The following UTP20 variants were observed in gnomAD, a reference collection of about 807,000 sequenced individuals.
The protein encoded by UTP20 is small subunit processome component 20 homolog.
UTP20 carries 164 observed loss-of-function variants against 329.5 expected under a neutral mutation model. That is an observed-to-expected ratio of 0.50 (90% CI 0.44 to 0.57). UTP20 has a LOEUF of 0.57. Among genes scored for constraint, UTP20 ranks in the 20% least tolerant of loss-of-function variants. UTP20 has a pLI of 0.00. For synonymous variants in UTP20, 1,151 were observed against 1,159.3 expected, an observed-to-expected ratio of 0.99 and a Z score of 0.14; for missense variants, 3,055 against 3,284.2, an observed-to-expected ratio of 0.93 and a Z score of 1.71.
At chr12:101,311,401 C>T (rs1214234031) in intron 19 of UTP20, among the ~76,000 whole-genome samples, 2 of 152,080 alleles carry the variant, frequency 1.3e-5, no homozygotes, top group Non-Finnish European at 2.9e-5. Context: ...TCCAGAGGGC[C>T]CCTTCTTCTC....
At chr12:101,330,225 G>A (rs1463359829) in intron 27 of UTP20, among the ~76,000 whole-genome samples, 1 of 152,120 alleles carries the variant, frequency 6.6e-6, no homozygotes, top group Non-Finnish European at 1.5e-5. Flanking sequence ...GGTGATCTTT[G>A]AGCTTACACC....
chr12:101,369,019 A>T (rs1194285953), intron 48 of UTP20, among the ~76,000 whole-genome samples: 1 of 152,240 alleles, frequency 6.6e-6, no homozygotes, highest in African/African-American at 2.4e-5. Flanking sequence ...CAGGGATCTC[A>T]GCACACTTTT....
chr12:101,351,987 A>G, intron 38 of UTP20, 68 bp from the exon 39 acceptor site: 1 of 1,564,096 alleles, frequency 6.4e-7, no homozygotes, highest in Non-Finnish European at 8.7e-7. Context: ...TTTTCAATAT[A>G]CTGAGTTAGC....
At position 101,338,296 on chromosome 12, in the gene UTP20, C is replaced by G; in HGVS notation, c.3868+19C>G. 1 of 1,608,908 alleles carries G rather than the reference C, an allele frequency of 6.2e-7. No individual in the cohort carries two copies. The highest frequency in any genetic ancestry group is 1.1e-5 in the South Asian group (1 of 90,940). On this transcript the variant is annotated intron_variant, in intron 30 of 61. Transcript: ENST00000261637. Reference sequence around the variant, plus strand: ...ATCGGTGGTATGTATGCTGACAAAGCAGATAATTCTTAGACTTCTGCTGTA... The same window carrying G: ...ATCGGTGGTATGTATGCTGACAAAGGAGATAATTCTTAGACTTCTGCTGTA...
intron 15 of UTP20, among the ~76,000 whole-genome samples, chr12:101,304,233 G>A (rs1432535453): frequency 6.6e-6 from 1 of 152,130 alleles, no homozygotes; most frequent in Non-Finnish European, 1.5e-5. Flanking sequence ...AGGTTTCACA[G>A]CCAAGACTGC....
intron 60 of UTP20, among the ~76,000 whole-genome samples, chr12:101,384,388 A>C (rs1870759109): frequency 6.6e-6 from 1 of 152,158 alleles, no homozygotes; most frequent in Non-Finnish European, 1.5e-5. Flanking sequence ...AAAAGATACA[A>C]AAATTAGCTG....
Position 101,379,508 on chromosome 12 carries a change from C to T in UTP20, c.7534C>T (p.Leu2512Phe). ...GAATACCAAAAAGACCAAAAAACAC[C>T]TCCCAGAACCTGTAGCAATCAAGTT... ...KWNTKKTKKH[L>F]PEPVAIKFLA... Residue 2512 changes from leucine to phenylalanine, a missense_variant, in exon 57 of 62, where the codon CTC (leucine) becomes TTC (phenylalanine). Leu to Phe is a conservative substitution (Grantham distance 22). Coordinates refer to ENST00000261637, the MANE Select transcript of UTP20 (RefSeq NM_014503.3). 2 of 1,614,076 alleles carry T rather than the reference C, an allele frequency of 1.2e-6. No homozygotes were observed. Among genetic ancestry groups the T allele is most frequent in the Non-Finnish European group, 1.7e-6 (2 of 1,179,974 alleles).
At chr12:101,321,058 A>T in intron 24 of UTP20, 121 bp downstream of exon 24, 2 of 817,558 alleles carry the variant, frequency 2.4e-6, no homozygotes, top group Non-Finnish European at 3.7e-6. Flanking sequence ...TTCTGAGGTC[A>T]TCGTATTTCC....
intron 25 of UTP20, 109 bp from the exon 26 acceptor site, chr12:101,326,972 A>G: frequency 9.4e-7 from 1 of 1,064,234 alleles, no homozygotes; most frequent in Non-Finnish European, 1.3e-6. Flanking sequence ...GTGTTTTATA[A>G]TATATCCATT....
Position 101,290,617 on chromosome 12 carries a change from T to G in UTP20, c.736-116T>G, listed in dbSNP as rs1390338712. 6 of 1,195,848 alleles carry G rather than the reference T, an allele frequency of 5.0e-6. No individual in the cohort carries two copies. The East Asian group carries it at 1.6e-4, about 32-fold the overall frequency. The allele number at this position is 1,195,848 out of a possible 1,614,324, so 74.1% of individuals were successfully genotyped here. ...ATTAACCATCAAAGTTGCCATATCC[T>G]TGACTATTCCAGACCTGATTTTTAA... On this transcript the variant is annotated intron_variant, in intron 7 of 61. Transcript: ENST00000261637.
rs1323577639 is a variant in UTP20 at position 101,356,556 on chromosome 12, T to C, written c.5397T>C (p.Thr1799=). Residue 1799 remains threonine, a splice_region_variant and synonymous_variant, in exon 42 of 62, where the codon ACT becomes ACC. Transcript: ENST00000261637. Reference sequence around the variant, plus strand: ...CTTAACCTAAATTTTTCTTACAGACTAAAAGGGAAGAAGAACACAAGCTTG... The same window carrying C: ...CTTAACCTAAATTTTTCTTACAGACCAAAAGGGAAGAAGAACACAAGCTTG... The part of the protein sequence containing the change: ...PRLHKCLAST[T]KREEEHKLVK... The C allele has an allele frequency of 1.2e-6, 2 of 1,609,816 alleles. No homozygotes were observed. The highest frequency in any genetic ancestry group is 2.2e-5 in the East Asian group (1 of 44,814).
At chr12:101,316,353 C>G (rs1274507766) in intron 21 of UTP20, among the ~76,000 whole-genome samples, 1 of 152,114 alleles carries the variant, frequency 6.6e-6, no homozygotes. Context: ...ACATGCTGTT[C>G]ACGGAGATAA....
intron 2 of UTP20, among the ~76,000 whole-genome samples, chr12:101,283,992 T>C (rs1347868051): frequency 6.6e-6 from 1 of 152,200 alleles, no homozygotes; most frequent in East Asian, 1.9e-4. Flanking sequence ...TTTTTTTTTT[T>C]GATATTGTAG....
intron 6 of UTP20, 113 bp from the exon 7 acceptor site, chr12:101,290,024 A>C: frequency 1.2e-6 from 1 of 837,856 alleles, no homozygotes; most frequent in Non-Finnish European, 1.7e-6. Flanking sequence ...TCTTTTCACA[A>C]TTTTTTCCTA....
chr12:101,318,166 A>G (rs1039371030), intron 22 of UTP20, among the ~76,000 whole-genome samples: 3 of 151,964 alleles, frequency 2.0e-5, no homozygotes, highest in African/African-American at 7.2e-5. Flanking sequence ...TGCTGTTGTT[A>G]TACTCTCTTT....
At chr12:101,322,095 T>C (rs919024375) in intron 25 of UTP20, among the ~76,000 whole-genome samples, 2 of 152,168 alleles carry the variant, frequency 1.3e-5, no homozygotes, top group Admixed American at 1.3e-4. Context: ...GTTCAAGCTA[T>C]TCTTGTGCCT....
At chr12:101,362,103 C>T (rs1452270525) in intron 44 of UTP20, 43 bp downstream of exon 44, 1 of 1,386,460 alleles carries the variant, frequency 7.2e-7, no homozygotes. Flanking sequence ...TTTAAGTGGG[C>T]CAACGACACA....
intron 43 of UTP20, 76 bp from the exon 44 acceptor site, chr12:101,361,886 C>A: frequency 1.8e-6 from 2 of 1,120,914 alleles, no homozygotes; most frequent in African/African-American, 1.6e-5. Context: ...GTTCTCTTTG[C>A]AGTGCTTCCT....
At chr12:101,359,948 A>G (rs1362751477) in intron 43 of UTP20, among the ~76,000 whole-genome samples, 6 of 152,168 alleles carry the variant, frequency 3.9e-5, no homozygotes, top group East Asian at 1.9e-4. Context: ...CACTGCCACC[A>G]CCACAGCATT....
Sources: allele counts gnomAD v4.1 joint callset (sites outside exome capture counted in the v4.1 genomes callset), GRCh38; gene constraint gnomAD v4.1.1; transcripts MANE v1.5; gene names NCBI Gene and HGNC (gene_info 2026-07-23, HGNC 2026-07-21).